Variants in KCNN3 observed in about 807,000 individuals in gnomAD.
The protein encoded by KCNN3 is small conductance calcium-activated potassium channel protein 3.
In KCNN3, 16 loss-of-function variants were observed where a neutral mutation model predicts 62.9. That is an observed-to-expected ratio of 0.25 (90% CI 0.17 to 0.39). The LOEUF is 0.39. KCNN3 is among the 10% of genes least tolerant of loss of function. KCNN3 has a pLI of 1.00. For missense variants in KCNN3, 599 were observed against 949.4 expected, an observed-to-expected ratio of 0.63 and a Z score of 4.85; for synonymous variants, 370 against 389.2, an observed-to-expected ratio of 0.95 and a Z score of 0.58.
intron 3 of KCNN3, among the ~76,000 whole-genome samples, chr1:154,763,435 G>A (rs1443875603): frequency 1.3e-5 from 2 of 152,132 alleles, no homozygotes; most frequent in African/African-American, 2.4e-5. Flanking sequence ...GCTATCCACA[G>A]GCACAATCAT....
intron 7 of KCNN3, among the ~76,000 whole-genome samples, chr1:154,712,862 T>C (rs1700107908): frequency 1.3e-5 from 2 of 152,170 alleles, no homozygotes; most frequent in South Asian, 2.1e-4. Context: ...GGCAGAGTGA[T>C]GGCGAGCCTT....
intron 2 of KCNN3, among the ~76,000 whole-genome samples, chr1:154,821,137 C>A (rs568013521): frequency 3.3e-5 from 5 of 152,316 alleles, no homozygotes; most frequent in African/African-American, 1.2e-4. Context: ...GGTCACAGGG[C>A]TGGCCAAAGA....
At chr1:154,785,761 C>T (rs996664121) in intron 2 of KCNN3, among the ~76,000 whole-genome samples, 4 of 151,558 alleles carry the variant, frequency 2.6e-5, no homozygotes, top group African/African-American at 7.3e-5. Flanking sequence ...CCACCACACC[C>T]GGCTAATTTT....
chr1:154,868,588 C>A (rs566928633), intron 1 of KCNN3, among the ~76,000 whole-genome samples: 1 of 149,514 alleles, frequency 6.7e-6, no homozygotes, highest in South Asian at 2.1e-4. Context: ...GGGGAAGTCG[C>A]AGGAACTGGC....
chr1:154,826,416 CA>C (rs1172717946), intron 1 of KCNN3, among the ~76,000 whole-genome samples: 11 of 152,304 alleles, frequency 7.2e-5, no homozygotes, highest in Admixed American at 5.2e-4. Flanking sequence ...CCCACTCTTA[CA>C]GAGGAGAAAG....
intron 2 of KCNN3, among the ~76,000 whole-genome samples, chr1:154,782,940 C>T (rs929654701): frequency 5.9e-5 from 9 of 152,298 alleles, no homozygotes; most frequent in East Asian, 1.9e-4. Context: ...CGGCTGGGCG[C>T]GGAGGCTCAC....
rs140989422 is a variant in KCNN3, at chr1:154,862,930, C to T, written c.933+6102G>A. Among the ~76,000 whole-genome samples the T allele has an allele frequency of 6.6e-6, 1 of 152,290 alleles. No individual in the cohort carries two copies. The highest frequency in any genetic ancestry group is 1.9e-4 in the East Asian group (1 of 5,186). ...AAAGGGCATGAACTTGGGAGCTAAA[C>T]GGGCTTGGGTTCTTATCTCAGTGCC... On this transcript the variant is annotated intron_variant, in intron 1 of 7. Coordinates refer to ENST00000271915, the MANE Select transcript of KCNN3 (RefSeq NM_002249.6). This position sits in a 1 kb window ranked among gnomAD's most constrained non-coding sequence, Gnocchi z 4.1.
At chr1:154,793,004 G>T (rs1649582649) in intron 2 of KCNN3, among the ~76,000 whole-genome samples, 1 of 152,074 alleles carries the variant, frequency 6.6e-6, no homozygotes, top group South Asian at 2.1e-4. Flanking sequence ...GTGGTCCTCG[G>T]TTCTGTACCA....
rs550241260 is a variant in KCNN3, at chr1:154,850,874, A to T, written c.933+18158T>A. Among the ~76,000 whole-genome samples, 8 of 152,354 alleles carry T rather than the reference A, an allele frequency of 5.3e-5. No homozygotes were observed. The East Asian group carries it at 1.5e-3, about 29-fold the overall frequency. On this transcript the variant is annotated intron_variant, in intron 1 of 7. Coordinates refer to ENST00000271915, the MANE Select transcript of KCNN3 (RefSeq NM_002249.6). ...CCAGAGCAGGGAGATTTGACCTTGA[A>T]ATGTGGATTGACTCAGAAAGACCCT...
At chr1:154,714,596 G>A in intron 6 of KCNN3, among the ~76,000 whole-genome samples, 1 of 30,200 alleles carries the variant, frequency 3.3e-5, no homozygotes, top group Non-Finnish European at 7.7e-5. Context: ...TATGGTGTGT[G>A]TGATGTGTGG....
At position 154,718,332 on chromosome 1, in the gene KCNN3, T is replaced by C. The variant is rs78041698; in HGVS notation, c.1702-3329A>G. ...AGACAATGGGCTCTATGATCTACTT[T>C]AGGAAAGGCTCTAAGATTAATGGGC... On this transcript the variant is annotated intron_variant, in intron 5 of 7. Transcript: ENST00000271915. Among the ~76,000 whole-genome samples the C allele has an allele frequency of 3.5e-3, 540 of 152,340 alleles. 2 individuals are homozygous for C. Among genetic ancestry groups the C allele is most frequent in the Non-Finnish European group, 6.0e-3 (406 of 68,036 alleles).
rs570309267 is a variant in KCNN3 at position 154,752,890 on chromosome 1, G to A, written c.1448+19085C>T. Among the ~76,000 whole-genome samples, 78 of 152,228 alleles carry A rather than the reference G, an allele frequency of 5.1e-4. 1 individual carries two copies. The South Asian group carries it at 5.2e-3, about 10-fold the overall frequency. ...CATGTCAGAAGTTTCTCCTCCCTCGGCCTGTGGTCACCCTTGACTAGGCTC... is the reference window on the plus strand; with the variant it reads ...CATGTCAGAAGTTTCTCCTCCCTCGACCTGTGGTCACCCTTGACTAGGCTC... On this transcript the variant is annotated intron_variant, in intron 3 of 7. Transcript: ENST00000271915.
chr1:154,807,729 C>T (rs957137399), intron 2 of KCNN3, among the ~76,000 whole-genome samples: 1 of 152,190 alleles, frequency 6.6e-6, no homozygotes, highest in Non-Finnish European at 1.5e-5. Context: ...TCCTGCTAAA[C>T]ATCCAAAAAG....
At chr1:154,749,999 C>T (rs765161373) in intron 3 of KCNN3, among the ~76,000 whole-genome samples, 1 of 152,166 alleles carries the variant, frequency 6.6e-6, no homozygotes, top group Non-Finnish European at 1.5e-5. Flanking sequence ...CCAAGTGAAG[C>T]GTCACGAAGT....
Position 154,868,820 on chromosome 1 carries a change from TAG to T in KCNN3, c.933+210_933+211del, listed in dbSNP as rs553067106. Among the ~76,000 whole-genome samples, 34 of 151,500 alleles carry T rather than the reference TAG, an allele frequency of 2.2e-4. No individual in the cohort carries two copies. In the East Asian group the frequency reaches 6.4e-3, roughly 29 times the overall value. On this transcript the variant is annotated intron_variant, in intron 1 of 7. Transcript: ENST00000271915. The stretch of plus-strand genomic sequence containing the variant: ...ATCAAGAAGGAAAACCACGGGAAGT[TAG>T]AGTGTTGAATATAACTGAGCAAGCG...
Position 154,861,873 on chromosome 1 carries a change from G to A in KCNN3, c.933+7159C>T, listed in dbSNP as rs74116214. ...CCTGTTTTTAGGCCAGAGAAACGAG[G>A]CCCAGAGAGGGGAAGGGACTCGACA... On this transcript the variant is annotated intron_variant, in intron 1 of 7. Transcript: ENST00000271915. Among the ~76,000 whole-genome samples the A allele has an allele frequency of 4.4e-3, 670 of 152,306 alleles. 3 individuals are homozygous for A. Among genetic ancestry groups the A allele is most frequent in the African/African-American group, 0.015 (634 of 41,548 alleles).
intron 3 of KCNN3, among the ~76,000 whole-genome samples, chr1:154,758,288 C>T (rs1647827268): frequency 6.6e-6 from 1 of 152,200 alleles, no homozygotes; most frequent in African/African-American, 2.4e-5. Context: ...AGTTTTTCCA[C>T]CCTGAGTTCA....
intron 3 of KCNN3, among the ~76,000 whole-genome samples, chr1:154,765,588 G>A (rs1174658051): frequency 1.3e-5 from 2 of 150,648 alleles, no homozygotes; most frequent in African/African-American, 4.9e-5. Flanking sequence ...ATATATTCTG[G>A]CACCCTATTA....
chr1:154,869,367 C>A lies in KCNN3; in HGVS notation c.598G>T (p.Glu200Ter), dbSNP rs775716344. Reference sequence around the variant, plus strand: ...AGGGGTTGGCCCTCAGTCTCGGCCTCGATGAGGTTCCTCCGGGAGGCGCTG... The same window carrying A: ...AGGGGTTGGCCCTCAGTCTCGGCCTAGATGAGGTTCCTCCGGGAGGCGCTG... Reference protein sequence around the residue: ...RLSASRRNLIEAETEGQPLQL... With the variant: ...RLSASRRNLI The change falls in exon 1 of 8, where the codon GAG (glutamate) becomes TAG (stop). Residue 200 changes from glutamate (E) to a stop codon, truncating the protein, a stop_gained. Transcript: ENST00000271915. LOFTEE classifies it high-confidence loss of function. The surrounding 1 kb of genome is among the most constrained non-coding windows in gnomAD (Gnocchi z 6.1). 1.2e-6 allele frequency: 2 copies of A among 1,614,032 alleles called. No individual in the cohort carries two copies. The highest frequency in any genetic ancestry group is 1.7e-6 in the Non-Finnish European group (2 of 1,179,996).
Sources: allele counts gnomAD v4.1 joint callset (sites outside exome capture counted in the v4.1 genomes callset), GRCh38; gene constraint gnomAD v4.1.1; non-coding constraint Gnocchi (gnomAD v3.1); transcripts MANE v1.5; gene names NCBI Gene and HGNC (gene_info 2026-07-23, HGNC 2026-07-21).